ZNF804B: variants seen among roughly 807,000 people sequenced by gnomAD.
ZNF804B encodes zinc finger protein 804B.
ZNF804B carries 80 observed loss-of-function variants against 101.4 expected under a neutral mutation model. The observed-to-expected ratio is 0.79, with a 90% CI of 0.66 to 0.95. The LOEUF is 0.95. ZNF804B is among the 40% of genes least tolerant of loss of function. The pLI, the probability that ZNF804B is intolerant of heterozygous loss-of-function variation, is 0.00. For synonymous variants in ZNF804B, 622 were observed against 558.8 expected (o/e 1.11, Z -1.59); for missense variants, 1,673 against 1,561.9 (o/e 1.07, Z -1.20).
Position 89,013,295 on chromosome 7 carries a change from T to G in ZNF804B, c.109-204860T>G, listed in dbSNP as rs143234197. ...GAGCAGTTAAGAGAGAAGAAACATA[T>G]GAGAATTAGAAAGCTAGTACTCACT... On this transcript the variant is annotated intron_variant, in intron 1 of 3. Transcript: ENST00000333190. Among the ~76,000 whole-genome samples the G allele has an allele frequency of 3.8e-3, 566 of 150,668 alleles. 2 individuals are homozygous for G. The highest frequency in any genetic ancestry group is 0.031 in the South Asian group (146 of 4,702).
At chr7:88,856,509 G>A (rs1438075600) in intron 1 of ZNF804B, among the ~76,000 whole-genome samples, 2 of 152,122 alleles carry the variant, frequency 1.3e-5, no homozygotes, top group Non-Finnish European at 2.9e-5. Flanking sequence ...ATTTTGGGCT[G>A]AGACAATGGG....
At chr7:89,041,126 A>T (rs1294806578) in intron 1 of ZNF804B, among the ~76,000 whole-genome samples, 5 of 152,058 alleles carry the variant, frequency 3.3e-5, no homozygotes, top group Non-Finnish European at 7.4e-5. Context: ...GGCCTGAAGC[A>T]TGGGTCCATG....
At chr7:89,306,654 A>G (rs1464634472) in intron 2 of ZNF804B, among the ~76,000 whole-genome samples, 1 of 152,056 alleles carries the variant, frequency 6.6e-6, no homozygotes, top group Non-Finnish European at 1.5e-5. Flanking sequence ...AGCAAAAGTT[A>G]TGTAGTTGAC....
At chr7:89,315,302 G>A (rs1350354624) in intron 2 of ZNF804B, among the ~76,000 whole-genome samples, 3 of 152,140 alleles carry the variant, frequency 2.0e-5, no homozygotes, top group Non-Finnish European at 4.4e-5. Context: ...CGAGGCCGCA[G>A]CTCCACCACT....
intron 2 of ZNF804B, among the ~76,000 whole-genome samples, chr7:89,243,752 G>GT (rs960601988): frequency 1.3e-5 from 2 of 150,200 alleles, no homozygotes; most frequent in African/African-American, 5.0e-5. Context: ...ATTTTGTTTT[G>GT]TTTTGTTTTT....
intron 1 of ZNF804B, among the ~76,000 whole-genome samples, chr7:89,141,627 G>A (rs1272596441): frequency 6.6e-6 from 1 of 151,936 alleles, no homozygotes; most frequent in Non-Finnish European, 1.5e-5. Flanking sequence ...ACTTTTTTGA[G>A]GAATCACCAT....
chr7:89,091,222 G>GA (rs1048191858), intron 1 of ZNF804B, among the ~76,000 whole-genome samples: 96 of 143,414 alleles, frequency 6.7e-4, no homozygotes, highest in African/African-American at 8.7e-4. Context: ...TGCCAGCTAG[G>GA]AAAAAAAAAA....
chr7:89,225,729 A>G (rs1246582440), intron 2 of ZNF804B, among the ~76,000 whole-genome samples: 1 of 152,170 alleles, frequency 6.6e-6, no homozygotes, highest in African/African-American at 2.4e-5. Context: ...CATTTTTATA[A>G]TTTAAGAAAA....
At chr7:88,953,218 G>C (rs906120038) in intron 1 of ZNF804B, among the ~76,000 whole-genome samples, 12 of 151,762 alleles carry the variant, frequency 7.9e-5, no homozygotes, top group African/African-American at 2.9e-4. Context: ...TCTCCAGTTT[G>C]CTCAATCAGA....
At chr7:89,193,474 C>G (rs1157536072) in intron 1 of ZNF804B, among the ~76,000 whole-genome samples, 1 of 121,806 alleles carries the variant, frequency 8.2e-6, no homozygotes, top group Non-Finnish European at 1.7e-5. Flanking sequence ...CCCCCCACCC[C>G]ACAACAGTCC....
chr7:89,220,163 G>A (rs61425679), intron 2 of ZNF804B, among the ~76,000 whole-genome samples: 19,869 of 42,806 alleles, frequency 0.46, 5,976 homozygotes, highest in African/African-American at 0.56. Flanking sequence ...ATATATATAC[G>A]CACATATATA....
intron 1 of ZNF804B, among the ~76,000 whole-genome samples, chr7:88,988,755 C>A (rs1285052872): frequency 6.6e-6 from 1 of 152,018 alleles, no homozygotes; most frequent in Non-Finnish European, 1.5e-5. Flanking sequence ...AGAAGAGTAT[C>A]TCTATAGGGA....
At chr7:89,056,688 A>T (rs1228828614) in intron 1 of ZNF804B, among the ~76,000 whole-genome samples, 1 of 152,106 alleles carries the variant, frequency 6.6e-6, no homozygotes, top group Non-Finnish European at 1.5e-5. Context: ...AAGGTTAATA[A>T]CCTGTCACAA....
rs1791520224 is a variant in ZNF804B at position 88,854,527 on chromosome 7, T to TTTCCTTCCCTTCCC, written c.108+94451_108+94452insCTTCCCTTCCTTCC. 2.5e-3 allele frequency among the ~76,000 whole-genome samples: 100 copies of TTTCCTTCCCTTCCC among 40,080 alleles called. 6 individuals are homozygous for TTTCCTTCCCTTCCC. The highest frequency in any genetic ancestry group is 9.6e-3 in the African/African-American group (92 of 9,630). The allele number at this position is 40,080 out of a possible 152,430, so 26.3% of individuals were successfully genotyped here. ...CTTTCCTTTCCTTTCCTTTCCTTCCTTTCCTTCCTTCCTTCCTTCCTTCCT... is the reference window on the plus strand; with the variant it reads ...CTTTCCTTTCCTTTCCTTTCCTTCCTTTCCTTCCCTTCCCTTCCTTCCTTCCTTCCTTCCTTCCT... On this transcript the variant is annotated intron_variant, in intron 1 of 3. Transcript: ENST00000333190.
At chr7:89,106,025 C>A (rs907799725) in intron 1 of ZNF804B, among the ~76,000 whole-genome samples, 9 of 152,110 alleles carry the variant, frequency 5.9e-5, no homozygotes, top group African/African-American at 2.2e-4. Flanking sequence ...AGGTACAACA[C>A]CCTCTAGGGA....
At chr7:89,112,863 A>G (rs1471263301) in intron 1 of ZNF804B, among the ~76,000 whole-genome samples, 2 of 152,206 alleles carry the variant, frequency 1.3e-5, no homozygotes, top group African/African-American at 4.8e-5. Context: ...ACAGATTTTG[A>G]AGTGATGATG....
At chr7:89,279,193 A>G (rs1196798728) in intron 2 of ZNF804B, among the ~76,000 whole-genome samples, 1 of 152,086 alleles carries the variant, frequency 6.6e-6, no homozygotes, top group East Asian at 1.9e-4. Context: ...ATTTTTGCAC[A>G]TTGATTTTGT....
rs142074895 is a variant in ZNF804B, at chr7:89,032,338, A to G, written c.109-185817A>G. 7.6e-4 allele frequency among the ~76,000 whole-genome samples: 115 copies of G among 152,006 alleles called. 1 individual carries two copies. In the East Asian group the frequency reaches 0.02, roughly 26 times the overall value. ...TGTGGGGTGGGGGAGAGAATGAGTT[A>G]AGGGGGATAAATTCAGACTCAATAA... On this transcript the variant is annotated intron_variant, in intron 1 of 3. Transcript: ENST00000333190.
At chr7:89,009,159 A>G (rs1788414716) in intron 1 of ZNF804B, among the ~76,000 whole-genome samples, 1 of 152,086 alleles carries the variant, frequency 6.6e-6, no homozygotes, top group South Asian at 2.1e-4. Context: ...GCAATTTTTG[A>G]CATTTTGATT....
Sources: allele counts gnomAD v4.1 joint callset (sites outside exome capture counted in the v4.1 genomes callset), GRCh38; gene constraint gnomAD v4.1.1; transcripts MANE v1.5; gene names NCBI Gene and HGNC (gene_info 2026-07-23, HGNC 2026-07-21).